The following UBR4 variants were observed in gnomAD, a reference collection of about 807,000 sequenced individuals.
UBR4 encodes the protein ubiquitin protein ligase E3 component n-recognin 4, also known as E3 ubiquitin-protein ligase UBR4.
Under a neutral mutation model 575.6 loss-of-function variants are expected in UBR4, and 124 were observed. The observed-to-expected ratio is 0.22, with a 90% CI of 0.19 to 0.25. UBR4 has a LOEUF of 0.25. Ranked by LOEUF, UBR4 falls within the 10% of genes least tolerant of loss-of-function variation. UBR4 has a pLI of 1.00. For synonymous variants in UBR4, 2,455 were observed against 2,473.7 expected, an observed-to-expected ratio of 0.99 and a Z score of 0.22; for missense variants, 4,818 against 6,478.8, an observed-to-expected ratio of 0.74 and a Z score of 8.80.
Position 19,173,193 on chromosome 1 carries a change from G to A in UBR4, c.3279C>T (p.Tyr1093=), listed in dbSNP as rs767308458. 8 of 1,614,078 alleles carry A rather than the reference G, an allele frequency of 5.0e-6. No homozygotes were observed. Among genetic ancestry groups the A allele is most frequent in the African/African-American group, 1.3e-5 (1 of 74,932 alleles). ...CAATATTACATACCTGTCGAGCGAA[G>A]TATTCCTCTACTATTTCAACATCAT... ...VKYDVEIVEE[Y]FARQISSFCS... Residue 1093 remains tyrosine (Y), a synonymous_variant, in exon 24 of 106, where the codon TAC becomes TAT. Coordinates refer to ENST00000375254, the MANE Select transcript of UBR4 (RefSeq NM_020765.3).
At chr1:19,181,338 G>A (rs2090934569) in intron 17 of UBR4, among the ~76,000 whole-genome samples, 1 of 152,000 alleles carries the variant, frequency 6.6e-6, no homozygotes, top group African/African-American at 2.4e-5. Context: ...GACCAGCCTG[G>A]GAGATACAGT....
chr1:19,075,292 C>G (rs1048198173), intron 105 of UBR4: 28 of 270,226 alleles, frequency 1.0e-4, no homozygotes, highest in Non-Finnish European at 2.0e-4. Flanking sequence ...TTGCCAGCAG[C>G]TCAGGGCTGA....
At chr1:19,166,392 A>G (rs1457380349) in intron 29 of UBR4, among the ~76,000 whole-genome samples, 2 of 151,652 alleles carry the variant, frequency 1.3e-5, no homozygotes, top group Non-Finnish European at 2.9e-5. Context: ...CCATCTCATC[A>G]GAGCTAGTGC....
intron 56 of UBR4, 56 bp downstream of exon 56, chr1:19,141,591 A>T: frequency 1.9e-6 from 3 of 1,606,164 alleles, no homozygotes; most frequent in Non-Finnish European, 2.6e-6. Context: ...ACTGAATAAG[A>T]GCTAGAGGAG....
At chr1:19,193,600 A>T in intron 8 of UBR4, 43 bp from the exon 9 acceptor site, 3 of 1,565,614 alleles carry the variant, frequency 1.9e-6, no homozygotes, top group Non-Finnish European at 1.7e-6. Flanking sequence ...GAGTGCATCC[A>T]AGAATCCACC....
intron 17 of UBR4, among the ~76,000 whole-genome samples, chr1:19,179,714 A>G (rs1047863111): frequency 6.6e-6 from 1 of 152,244 alleles, no homozygotes; most frequent in Non-Finnish European, 1.5e-5. Flanking sequence ...CCAGAACTCA[A>G]CAAGGCTGTT....
intron 55 of UBR4, 55 bp downstream of exon 55, chr1:19,143,925 C>A: frequency 1.9e-6 from 3 of 1,539,674 alleles, no homozygotes; most frequent in South Asian, 2.2e-5. Flanking sequence ...CTGTACCTCC[C>A]TCTCTCCCCT....
Position 19,110,328 on chromosome 1 carries a change from A to G in UBR4, c.11977+52T>C. ...TCCCTCCTCCCCTCCCAGTCCGGCC[A>G]GGACTGCTCCTTTGAGCCTCCTTTC... On this transcript the variant is annotated intron_variant, in intron 80 of 105. Coordinates refer to ENST00000375254, the MANE Select transcript of UBR4 (RefSeq NM_020765.3). This position sits in a 1 kb window ranked among gnomAD's most constrained non-coding sequence, Gnocchi z 4.5. 1 of 1,613,368 alleles carries G rather than the reference A, an allele frequency of 6.2e-7. No individual in the cohort carries two copies. Among genetic ancestry groups the G allele is most frequent in the South Asian group, 1.1e-5 (1 of 91,040 alleles).
chr1:19,139,243 T>TA lies in UBR4; in HGVS notation c.8594-24dup, dbSNP rs778568397. The TA allele has an allele frequency of 1.9e-6, 3 of 1,573,908 alleles. No individual in the cohort carries two copies. Among genetic ancestry groups the TA allele is most frequent in the Admixed American group, 3.9e-5 (2 of 51,696 alleles). ...GAGCTGAGAGAGTAACGAGAGCTGT[T>TA]ACAGGTTAAAAAACAAACAAACAAA... On this transcript the variant is annotated intron_variant, in intron 58 of 105. Transcript: ENST00000375254. This position sits in a 1 kb window ranked among gnomAD's most constrained non-coding sequence, Gnocchi z 4.2.
chr1:19,084,962 A>T (rs2076866626), intron 101 of UBR4, among the ~76,000 whole-genome samples: 1 of 152,232 alleles, frequency 6.6e-6, no homozygotes, highest in South Asian at 2.1e-4. Context: ...CCCATTTCTT[A>T]ATGAACTAAT....
At chr1:19,179,726 T>C (rs2090676279) in intron 17 of UBR4, among the ~76,000 whole-genome samples, 1 of 152,228 alleles carries the variant, frequency 6.6e-6, no homozygotes, top group Admixed American at 6.5e-5. Flanking sequence ...AAGGCTGTTC[T>C]TCACCTCCAG....
Position 19,120,363 on chromosome 1 carries a change from C to G in UBR4, c.10142-15G>C. 1.2e-6 allele frequency: 2 copies of G among 1,613,858 alleles called. No individual in the cohort carries two copies. Among genetic ancestry groups the G allele is most frequent in the Non-Finnish European group, 1.7e-6 (2 of 1,179,782 alleles). ...AGAGGTCTCACCTGCAAGATTAGGACAGGACTAAGGGCTGAAGAGTAGGAA... is the reference window on the plus strand; with the variant it reads ...AGAGGTCTCACCTGCAAGATTAGGAGAGGACTAAGGGCTGAAGAGTAGGAA... On this transcript the variant is annotated splice_polypyrimidine_tract_variant and intron_variant, in intron 68 of 105. Transcript: ENST00000375254.
At position 19,128,297 on chromosome 1, in the gene UBR4, C is replaced by T; in HGVS notation, c.9025G>A (p.Asp3009Asn). 5 of 1,614,000 alleles carry T rather than the reference C, an allele frequency of 3.1e-6. No individual in the cohort carries two copies. Among genetic ancestry groups the T allele is most frequent in the Non-Finnish European group, 4.2e-6 (5 of 1,179,930 alleles). Residue 3009 changes from aspartate (D) to asparagine (N), a missense_variant, in exon 62 of 106, where the codon GAT becomes AAT. Transcript: ENST00000375254. ...YMQVILMLTT[D>N]LDGEDEKDKG... Reference sequence around the variant, plus strand: ...TCTTTCTCATCTTCTCCATCCAGATCTGTAGTGAGCATTAGAATGACCTAG... The same window carrying T: ...TCTTTCTCATCTTCTCCATCCAGATTTGTAGTGAGCATTAGAATGACCTAG...
At chr1:19,122,714 A>C in intron 66 of UBR4, 119 bp downstream of exon 66, 1 of 1,147,894 alleles carries the variant, frequency 8.7e-7, no homozygotes, top group Non-Finnish European at 1.3e-6. Context: ...TCTCAGCCCT[A>C]ACCATGCCAT....
intron 1 of UBR4, among the ~76,000 whole-genome samples, chr1:19,203,785 A>G (rs2092868199): frequency 6.6e-6 from 1 of 152,204 alleles, no homozygotes; most frequent in African/African-American, 2.4e-5. Context: ...TGGAGCATCT[A>G]TGATGTGTGC....
chr1:19,077,737 A>AAAACCAAACC (rs553369721), intron 104 of UBR4: 59 of 1,436,200 alleles, frequency 4.1e-5, no homozygotes, highest in Non-Finnish European at 5.3e-5. Flanking sequence ...CCGTCTCAAA[A>AAAACCAAACC]AAACCAAACC....
intron 52 of UBR4, 141 bp from the exon 53 acceptor site, chr1:19,146,074 G>T: frequency 6.4e-7 from 1 of 1,562,316 alleles, no homozygotes. Context: ...ACTATCCCTA[G>T]ACTCCAGCAG....
chr1:19,084,527 G>A lies in UBR4; in HGVS notation c.14985C>T (p.His4995=). The A allele has an allele frequency of 1.9e-6, 3 of 1,613,682 alleles. No individual in the cohort carries two copies. Among genetic ancestry groups the A allele is most frequent in the Non-Finnish European group, 1.7e-6 (2 of 1,179,746 alleles). The part of the protein sequence containing the change: ...SNIHLIPYII[H]TVLYVLNTTR... ...ACGTGTTCAGGACGTAAAGCACAGT[G>A]TGAATGATGTACGGGATCAGGTGGA... Residue 4995 remains histidine (H), a synonymous_variant, in exon 102 of 106, where the codon CAC becomes CAT. Coordinates refer to ENST00000375254, the MANE Select transcript of UBR4 (RefSeq NM_020765.3).
intron 1 of UBR4, among the ~76,000 whole-genome samples, chr1:19,209,447 A>G (rs2093193351): frequency 6.6e-6 from 1 of 152,262 alleles, no homozygotes; most frequent in African/African-American, 2.4e-5. Flanking sequence ...GAATGTGATG[A>G]TATTTTAATG....
Sources: gnomAD v4.1 joint callset for allele counts (sites outside exome capture counted in the v4.1 genomes callset) on GRCh38, gnomAD v4.1.1 for gene constraint, Gnocchi (gnomAD v3.1) non-coding constraint, MANE v1.5 for transcripts, NCBI Gene and HGNC (gene_info 2026-07-23, HGNC 2026-07-21) for gene names.